SCFD1: variants seen among roughly 807,000 people sequenced by gnomAD.
SCFD1 encodes sec1 family domain containing 1, also known as sec1 family domain-containing protein 1.
In SCFD1, 37 loss-of-function variants were observed where a neutral mutation model predicts 103.2. The ratio of observed to expected loss-of-function variants is 0.36; its 90% CI spans 0.28 to 0.47. SCFD1 has a LOEUF of 0.47. Ranked by LOEUF, SCFD1 falls within the 20% of genes least tolerant of loss-of-function variation. The pLI, the probability that SCFD1 is intolerant of heterozygous loss-of-function variation, is 1.00. For missense variants in SCFD1, 639 were observed against 761.2 expected (o/e 0.84, Z 1.89); for synonymous variants, 264 against 245.0 (o/e 1.08, Z -0.73).
chr14:30,725,624 A>G (rs1892990926), intron 23 of SCFD1, among the ~76,000 whole-genome samples: 1 of 152,258 alleles, frequency 6.6e-6, no homozygotes, highest in South Asian at 2.1e-4. Context: ...GGATCATGTC[A>G]TCTGCATACA....
At chr14:30,714,074 G>A (rs144966657) in intron 19 of SCFD1, among the ~76,000 whole-genome samples, 4 of 152,116 alleles carry the variant, frequency 2.6e-5, no homozygotes, top group Admixed American at 6.5e-5. Flanking sequence ...TTGGCCGGGC[G>A]CGGTGGCTCA....
intron 9 of SCFD1, among the ~76,000 whole-genome samples, chr14:30,652,086 C>T (rs949405460): frequency 6.6e-6 from 1 of 152,164 alleles, no homozygotes; most frequent in African/African-American, 2.4e-5. Context: ...CATAGTAGAT[C>T]GCAAGGGTGC....
At chr14:30,716,180 A>C (rs1167740111) in intron 20 of SCFD1, among the ~76,000 whole-genome samples, 1 of 152,196 alleles carries the variant, frequency 6.6e-6, no homozygotes, top group Admixed American at 6.5e-5. Context: ...TGCCATACCC[A>C]TTCTGGCCAG....
chr14:30,706,124 AT>A (rs1566648309), intron 18 of SCFD1, among the ~76,000 whole-genome samples: 1 of 152,120 alleles, frequency 6.6e-6, no homozygotes, highest in Non-Finnish European at 1.5e-5. Context: ...ACCATGTGTA[AT>A]TATCCAATCA....
intron 23 of SCFD1, among the ~76,000 whole-genome samples, chr14:30,724,585 G>A (rs547922422): frequency 3.3e-5 from 5 of 152,174 alleles, no homozygotes; most frequent in Admixed American, 3.3e-4. Context: ...GTTCCTTATA[G>A]ATGCGGGATA....
chr14:30,648,239 T>G (rs1247398381), intron 7 of SCFD1, among the ~76,000 whole-genome samples: 1 of 152,202 alleles, frequency 6.6e-6, no homozygotes, highest in African/African-American at 2.4e-5. Flanking sequence ...TTATAACTTT[T>G]GCCATCAAAA....
intron 11 of SCFD1, among the ~76,000 whole-genome samples, chr14:30,671,413 A>G (rs1477242106): frequency 6.6e-6 from 1 of 152,156 alleles, no homozygotes; most frequent in Non-Finnish European, 1.5e-5. Context: ...GGTGAAGTAC[A>G]AGAAATTACT....
chr14:30,726,320 AT>A (rs769290827), intron 23 of SCFD1, among the ~76,000 whole-genome samples: 5 of 152,240 alleles, frequency 3.3e-5, no homozygotes, highest in Non-Finnish European at 5.9e-5. Context: ...TATAACAATT[AT>A]TAATCTAGTT....
At chr14:30,709,784 T>C (rs1891735537) in intron 19 of SCFD1, among the ~76,000 whole-genome samples, 2 of 152,172 alleles carry the variant, frequency 1.3e-5, no homozygotes, top group South Asian at 4.1e-4. Flanking sequence ...CAAAATGATT[T>C]TGTTTCATGA....
chr14:30,684,284 T>C lies in SCFD1; in HGVS notation c.1242+9219T>C, dbSNP rs185781091. 3.9e-5 allele frequency among the ~76,000 whole-genome samples: 6 copies of C among 152,334 alleles called. 1 individual carries two copies. Among genetic ancestry groups the C allele is most frequent in the African/African-American group, 1.2e-4 (5 of 41,572 alleles). On this transcript the variant is annotated intron_variant, in intron 14 of 24. Coordinates refer to ENST00000458591, the MANE Select transcript of SCFD1 (RefSeq NM_016106.4). Reference sequence around the variant, plus strand: ...CCTCAACTTCCTGAATAGCTGGGATTACAGGTGCATGCCACAGTGTCCAAC... The same window carrying C: ...CCTCAACTTCCTGAATAGCTGGGATCACAGGTGCATGCCACAGTGTCCAAC...
intron 14 of SCFD1, among the ~76,000 whole-genome samples, chr14:30,682,140 T>G (rs1175724551): frequency 1.3e-5 from 2 of 152,236 alleles, no homozygotes; most frequent in Non-Finnish European, 2.9e-5. Context: ...TCAATGTTTT[T>G]GGTTGAGAGA....
At chr14:30,634,807 T>C (rs753148387) in intron 4 of SCFD1, 3 of 456,054 alleles carry the variant, frequency 6.6e-6, no homozygotes, top group South Asian at 3.1e-5. Flanking sequence ...ATCAAATCTA[T>C]GTTCACATCA....
intron 15 of SCFD1, among the ~76,000 whole-genome samples, chr14:30,699,138 C>G (rs1890902160): frequency 6.6e-6 from 1 of 152,140 alleles, no homozygotes; most frequent in African/African-American, 2.4e-5. Context: ...ATTCCAAATG[C>G]CCCAAATACA....
chr14:30,719,486 C>A, intron 21 of SCFD1, 109 bp downstream of exon 21: 1 of 725,072 alleles, frequency 1.4e-6, no homozygotes, highest in Non-Finnish European at 2.3e-6. Context: ...ATATGGAAAA[C>A]TCGTAAGGAA....
intron 10 of SCFD1, among the ~76,000 whole-genome samples, chr14:30,660,897 A>T (rs1044027995): frequency 6.6e-6 from 1 of 152,126 alleles, no homozygotes; most frequent in African/African-American, 2.4e-5. Flanking sequence ...GCTTCCTGGT[A>T]TGAAAAATAT....
intron 4 of SCFD1, among the ~76,000 whole-genome samples, chr14:30,635,469 T>C (rs1380368603): frequency 3.9e-5 from 6 of 152,138 alleles, no homozygotes; most frequent in African/African-American, 1.4e-4. Context: ...TTTCTGTATA[T>C]TTGCCTACTC....
intron 6 of SCFD1, among the ~76,000 whole-genome samples, chr14:30,641,842 T>G (rs762516829): frequency 3.9e-4 from 59 of 152,334 alleles, no homozygotes; most frequent in Non-Finnish European, 7.5e-4. Context: ...TATTAAATTT[T>G]ATATGTGTTT....
intron 18 of SCFD1, among the ~76,000 whole-genome samples, chr14:30,707,344 C>G (rs1891538462): frequency 6.6e-6 from 1 of 152,160 alleles, no homozygotes; most frequent in African/African-American, 2.4e-5. Flanking sequence ...CCCAGTATGG[C>G]AAGTCACTTA....
chr14:30,734,443 T>G (rs1235391947), intron 23 of SCFD1: 5 of 272,256 alleles, frequency 1.8e-5, no homozygotes, highest in Non-Finnish European at 7.2e-6. Context: ...ATTCTTCAAG[T>G]AGTACACATC....
Sources: gnomAD v4.1 joint callset for allele counts (sites outside exome capture counted in the v4.1 genomes callset) on GRCh38, gnomAD v4.1.1 for gene constraint, MANE v1.5 for transcripts, NCBI Gene and HGNC (gene_info 2026-07-23, HGNC 2026-07-21) for gene names.